Variants in B3GALNT2 observed in about 807,000 individuals in gnomAD.
B3GALNT2 encodes beta-1,3-N-acetylgalactosaminyltransferase 2, also known as UDP-GalNAc:beta-1,3-N-acetylgalactosaminyltransferase 2.
In B3GALNT2, 53 loss-of-function variants were observed where a neutral mutation model predicts 61.1. The ratio of observed to expected loss-of-function variants is 0.87; its 90% confidence interval spans 0.70 to 1.09. The LOEUF (loss-of-function observed/expected upper bound fraction) is 1.09, where lower values mean the gene tolerates loss of function less well. Ranked by LOEUF, B3GALNT2 falls within the 50% of genes least tolerant of loss-of-function variation. B3GALNT2 has a pLI of 0.00. For missense variants in B3GALNT2, 544 were observed against 623.0 expected (o/e 0.87, Z 1.35); for synonymous variants, 223 against 237.4 (o/e 0.94, Z 0.56).
At chr1:235,484,662 G>A in intron 3 of B3GALNT2, 147 bp from the exon 4 acceptor site, 1 of 1,358,850 alleles carries the variant, frequency 7.4e-7, no homozygotes, top group Non-Finnish European at 9.6e-7. Context: ...AAAAATGCTT[G>A]AGAAAAATGG....
chr1:235,455,720 C>A, intron 8 of B3GALNT2, 36 bp from the exon 9 acceptor site: 1 of 1,585,832 alleles, frequency 6.3e-7, no homozygotes, highest in Non-Finnish European at 8.7e-7. Flanking sequence ...GTCAGTGCGA[C>A]CAAACAAACA....
At chr1:235,503,742 T>TG (rs552467741) in intron 1 of B3GALNT2, among the ~76,000 whole-genome samples, 478 of 143,780 alleles carry the variant, frequency 3.3e-3, no homozygotes, top group Middle Eastern at 6.9e-3. Flanking sequence ...ACCAACAACT[T>TG]GGGGGGGAAG....
At position 235,447,872 on chromosome 1, in the gene B3GALNT2, T is replaced by C. The variant is rs1682508496; in HGVS notation, c.*2334A>G. On this transcript the variant is annotated 3_prime_UTR_variant, in exon 12 of 12. Coordinates refer to ENST00000366600, the MANE Select transcript of B3GALNT2 (RefSeq NM_152490.5). Reference sequence around the variant, plus strand: ...CCCAAATGAACAGGTGGTACAAGACTCAGGCTTTCCCCTAATTACTTACTT... The same window carrying C: ...CCCAAATGAACAGGTGGTACAAGACCCAGGCTTTCCCCTAATTACTTACTT... Among the ~76,000 whole-genome samples the C allele has an allele frequency of 6.6e-6, 1 of 151,924 alleles. No individual in the cohort carries two copies. The highest frequency in any genetic ancestry group is 1.5e-5 in the Non-Finnish European group (1 of 68,024).
At chr1:235,489,363 C>A (rs1404117430) in intron 2 of B3GALNT2, 95 bp from the exon 3 acceptor site, 3 of 1,544,088 alleles carry the variant, frequency 1.9e-6, no homozygotes, top group Non-Finnish European at 1.7e-6. Flanking sequence ...CTTTGAGACA[C>A]AAGTGTTTAT....
At chr1:235,440,420 T>G in the B3GALNT2 span, among the ~76,000 whole-genome samples, 1 of 151,900 alleles carries the variant, frequency 6.6e-6, no homozygotes, top group Non-Finnish European at 1.5e-5. Context: ...GAGATGGTGT[T>G]TCGCTCTTGT....
chr1:235,457,147 C>T (rs887842613), intron 8 of B3GALNT2, among the ~76,000 whole-genome samples: 10 of 151,502 alleles, frequency 6.6e-5, no homozygotes, highest in African/African-American at 2.2e-4. Context: ...AATAATTTGC[C>T]CCAGCTAAGA....
chr1:235,461,521 T>TG (rs1297615369), intron 7 of B3GALNT2, among the ~76,000 whole-genome samples: 1 of 136,936 alleles, frequency 7.3e-6, no homozygotes, highest in African/African-American at 2.8e-5. Context: ...TTTTTTTTTT[T>TG]TTTTTTTTTT....
chr1:235,483,383 A>G (rs1186170366), intron 4 of B3GALNT2, among the ~76,000 whole-genome samples: 1 of 152,218 alleles, frequency 6.6e-6, no homozygotes, highest in Non-Finnish European at 1.5e-5. Context: ...CAAATTTGGT[A>G]AAATACATAC....
chr1:235,494,945 CAAAG>C (rs1685248383), intron 1 of B3GALNT2, 117 bp from the exon 2 acceptor site: 1 of 1,057,204 alleles, frequency 9.5e-7, no homozygotes, highest in Admixed American at 3.3e-5. Flanking sequence ...CAGATAAACA[CAAAG>C]AAAAGAATTT....
the B3GALNT2 span, chr1:235,441,533 G>A: frequency 4.3e-6 from 2 of 465,916 alleles, no homozygotes; most frequent in South Asian, 4.6e-5. Context: ...ATGTAAACAT[G>A]TTGCTTTTCA....
chr1:235,448,123 C>A lies in B3GALNT2; in HGVS notation c.*2083G>T, dbSNP rs938463255. Among the ~76,000 whole-genome samples the A allele has an allele frequency of 8.6e-5, 13 of 150,902 alleles. No homozygotes were observed. Among genetic ancestry groups the A allele is most frequent in the African/African-American group, 3.2e-4 (13 of 40,786 alleles). ...GCTGAGGCAGGAGAATTGTTTGAAC[C>A]CGGGAAGCGGAGGTTGCAGTGAGCC... On this transcript the variant is annotated 3_prime_UTR_variant, in exon 12 of 12. Transcript: ENST00000366600.
At chr1:235,484,215 C>T in intron 4 of B3GALNT2, 107 bp downstream of exon 4, 1 of 1,404,202 alleles carries the variant, frequency 7.1e-7, no homozygotes, top group Non-Finnish European at 9.3e-7. Context: ...GTCTCTCAAC[C>T]AGAGAGAATT....
intron 5 of B3GALNT2, 89 bp from the exon 6 acceptor site, chr1:235,471,049 A>G: frequency 1.3e-6 from 2 of 1,548,176 alleles, no homozygotes; most frequent in Non-Finnish European, 1.7e-6. Flanking sequence ...TTTAGAGAAA[A>G]TTTTTCCCAA....
At chr1:235,465,927 C>G (rs189185711) in intron 6 of B3GALNT2, 1 of 517,368 alleles carries the variant, frequency 1.9e-6, no homozygotes, top group Non-Finnish European at 3.4e-6. Flanking sequence ...AAGATATACC[C>G]AACATTCCAT....
chr1:235,466,085 CAT>C (rs995581080), intron 6 of B3GALNT2, among the ~76,000 whole-genome samples: 1 of 152,058 alleles, frequency 6.6e-6, no homozygotes, highest in Non-Finnish European at 1.5e-5. Flanking sequence ...TAAAAATTCT[CAT>C]GAGTTCAAAT....
Position 235,494,815 on chromosome 1 carries a change from T to C in B3GALNT2, c.126A>G (p.Leu42=). The change falls in exon 2 of 12, where the codon TTA becomes TTG. Residue 42 remains leucine, a synonymous_variant. Transcript: ENST00000366600. ...SGAGPADQLA[L]FPQWKSTHYD... is the part of the protein sequence containing the mutation. ...AGTGAGTAGATTTCCACTGAGGAAA[T>C]AAGGCCAACTGATCTAGAAATAAGA... The C allele has an allele frequency of 6.2e-7, 1 of 1,607,576 alleles. No individual in the cohort carries two copies.
At chr1:235,450,571 A>T in intron 11 of B3GALNT2, 1 of 489,176 alleles carries the variant, frequency 2.0e-6, no homozygotes, top group Non-Finnish European at 3.7e-6. Flanking sequence ...CGGTGTGTGG[A>T]TGAAGAGTTA....
chr1:235,502,783 A>AT (rs1280052091), intron 1 of B3GALNT2, among the ~76,000 whole-genome samples: 2 of 152,206 alleles, frequency 1.3e-5, no homozygotes, highest in African/African-American at 4.8e-5. Flanking sequence ...CTACAAGGAG[A>AT]TTCCAGCAGG....
At chr1:235,466,106 G>A (rs1043901452) in intron 6 of B3GALNT2, among the ~76,000 whole-genome samples, 3 of 151,972 alleles carry the variant, frequency 2.0e-5, no homozygotes, top group African/African-American at 7.2e-5. Context: ...ATACATCTTG[G>A]CATGCTTTAA....
Sources: allele counts gnomAD v4.1 joint callset (sites outside exome capture counted in the v4.1 genomes callset), GRCh38; gene constraint gnomAD v4.1.1; transcripts MANE v1.5; gene names NCBI Gene and HGNC (gene_info 2026-07-23, HGNC 2026-07-21).